The following AGPAT4 variants were observed in gnomAD, a reference collection of about 807,000 sequenced individuals.
AGPAT4 encodes the protein 1-acylglycerol-3-phosphate O-acyltransferase 4.
A neutral mutation model predicts 48.0 loss-of-function variants in AGPAT4; 15 were observed. The ratio of observed to expected loss-of-function variants is 0.31; its 90% CI spans 0.21 to 0.48. The LOEUF (loss-of-function observed/expected upper bound fraction) is 0.48, where lower values mean the gene tolerates loss of function less well. Ranked by LOEUF, AGPAT4 falls within the 20% of genes least tolerant of loss-of-function variation. AGPAT4 has a pLI of 0.99. For missense variants in AGPAT4, 314 were observed against 482.5 expected (o/e 0.65, Z 3.27); for synonymous variants, 178 against 198.7 (o/e 0.90, Z 0.88).
rs772384211 is a variant in AGPAT4, at chr6:161,146,667, C to T, written c.768-68G>A. 41 of 1,476,800 alleles carry T rather than the reference C, an allele frequency of 2.8e-5. No homozygotes were observed. Among genetic ancestry groups the T allele is most frequent in the Admixed American group, 1.7e-4 (10 of 58,056 alleles). 91.5% of individuals were successfully genotyped at this position (1,476,800 alleles called of 1,614,324 possible). A position where few individuals can be genotyped will look rare whatever the true frequency, so the allele number is the denominator to read the frequency against. On this transcript the variant is annotated intron_variant, in intron 6 of 8. Coordinates refer to ENST00000320285, the MANE Select transcript of AGPAT4 (RefSeq NM_020133.3). The surrounding 1 kb of genome is among the most constrained non-coding windows in gnomAD (Gnocchi z 7.1). ...CCCTACAACATACAGTTTCCAGTAA[C>T]GGTGCTGCCGTTTTTTGTTTTTATC...
In AGPAT4 at chr6:161,137,122, C is replaced by T. The variant is rs1779092274; in HGVS notation, c.1043-488G>A. 6.6e-6 allele frequency among the ~76,000 whole-genome samples: 1 copy of T among 152,208 alleles called. No individual in the cohort carries two copies. ...AGCGTTAGAGCAGTGAGAAAATCCC[C>T]GCCCTCTCCTCTGACGGCAGGATTT... On this transcript the variant is annotated intron_variant, in intron 8 of 8. Coordinates refer to ENST00000320285, the MANE Select transcript of AGPAT4 (RefSeq NM_020133.3). The surrounding 1 kb of genome is among the most constrained non-coding windows in gnomAD (Gnocchi z 6.1).
Position 161,154,367 on chromosome 6 carries a change from G to A in AGPAT4, c.349-57C>T, listed in dbSNP as rs915188614. The A allele has an allele frequency of 3.4e-5, 54 of 1,602,068 alleles. No homozygotes were observed. Among genetic ancestry groups the A allele is most frequent in the African/African-American group, 3.4e-4 (25 of 74,432 alleles). On this transcript the variant is annotated intron_variant, in intron 3 of 8. Coordinates refer to ENST00000320285, the MANE Select transcript of AGPAT4 (RefSeq NM_020133.3). The surrounding 1 kb of genome is among the most constrained non-coding windows in gnomAD (Gnocchi z 7.8). ...GAAGGAGACGTCAGAGCCACCTGCCGGGGCTGTTGGAGACTGAAGTAGAAA... is the reference window on the plus strand; with the variant it reads ...GAAGGAGACGTCAGAGCCACCTGCCAGGGCTGTTGGAGACTGAAGTAGAAA...
intron 1 of AGPAT4, among the ~76,000 whole-genome samples, chr6:161,237,564 G>A (rs1375170050): frequency 6.6e-6 from 1 of 152,184 alleles, no homozygotes; most frequent in Non-Finnish European, 1.5e-5. Flanking sequence ...GACCTTTAGA[G>A]AATATTAGAA....
At position 161,259,451 on chromosome 6, in the gene AGPAT4, C is replaced by T. The variant is rs927772751; in HGVS notation, c.-90+14487G>A. On this transcript the variant is annotated intron_variant, in intron 1 of 8. Coordinates refer to ENST00000320285, the MANE Select transcript of AGPAT4 (RefSeq NM_020133.3). The surrounding 1 kb of genome is among the most constrained non-coding windows in gnomAD (Gnocchi z 4.9). The stretch of plus-strand genomic sequence containing the variant: ...GATCACGGACTTTTGTAGAGCCACC[C>T]GGTCTTTTGCAGGGCGGTCTGGAGT... Among the ~76,000 whole-genome samples, 2 of 151,862 alleles carry T rather than the reference C, an allele frequency of 1.3e-5. No individual in the cohort carries two copies. The highest frequency in any genetic ancestry group is 2.4e-5 in the African/African-American group (1 of 41,374).
At chr6:161,157,004 G>A (rs996366909) in intron 3 of AGPAT4, among the ~76,000 whole-genome samples, 11 of 152,078 alleles carry the variant, frequency 7.2e-5, no homozygotes, top group Admixed American at 2.6e-4. Flanking sequence ...TAATAAATAC[G>A]TGGGTAAATC....
intron 2 of AGPAT4, among the ~76,000 whole-genome samples, chr6:161,173,488 G>T (rs1780339003): frequency 6.6e-6 from 1 of 152,048 alleles, no homozygotes; most frequent in African/African-American, 2.4e-5. Flanking sequence ...TTTTGATGGG[G>T]TTGTTTGATT....
At position 161,198,677 on chromosome 6, in the gene AGPAT4, G is replaced by T. The variant is rs1335097270; in HGVS notation, c.179-32260C>A. Among the ~76,000 whole-genome samples, 1 of 152,152 alleles carries T rather than the reference G, an allele frequency of 6.6e-6. No homozygotes were observed. Among genetic ancestry groups the T allele is most frequent in the African/African-American group, 2.4e-5 (1 of 41,422 alleles). The stretch of plus-strand genomic sequence containing the variant: ...GTGCCTCGGTTTCCTCATCTGTCAT[G>T]GTTGTTATTAGGTTTAAATAAGCTC... On this transcript the variant is annotated intron_variant, in intron 2 of 8. Transcript: ENST00000320285. The surrounding 1 kb of genome is among the most constrained non-coding windows in gnomAD (Gnocchi z 4.3).
At position 161,221,137 on chromosome 6, in the gene AGPAT4, G is replaced by C. The variant is rs1479543293; in HGVS notation, c.178+10899C>G. Reference sequence around the variant, plus strand: ...AACGCTGGATGAACATGGTGAGCAAGGAACACATGGTGAAGGAAACGTGTG... The same window carrying C: ...AACGCTGGATGAACATGGTGAGCAACGAACACATGGTGAAGGAAACGTGTG... On this transcript the variant is annotated intron_variant, in intron 2 of 8. Coordinates refer to ENST00000320285, the MANE Select transcript of AGPAT4 (RefSeq NM_020133.3). The surrounding 1 kb of genome is among the most constrained non-coding windows in gnomAD (Gnocchi z 4.5). 6.6e-6 allele frequency among the ~76,000 whole-genome samples: 1 copy of C among 152,134 alleles called. No individual in the cohort carries two copies. The highest frequency in any genetic ancestry group is 2.4e-5 in the African/African-American group (1 of 41,444).
intron 1 of AGPAT4, among the ~76,000 whole-genome samples, chr6:161,258,156 C>T (rs12662114): frequency 0.2 from 29,864 of 152,118 alleles, 4,930 homozygotes; most frequent in African/African-American, 0.41. Flanking sequence ...AGTCTTATGA[C>T]ACTTTTTTTC....
intron 2 of AGPAT4, among the ~76,000 whole-genome samples, chr6:161,209,577 C>A (rs1254538010): frequency 6.6e-6 from 1 of 152,090 alleles, no homozygotes; most frequent in Non-Finnish European, 1.5e-5. Context: ...CAGGAGAGAC[C>A]TGAATTGAGC....
At position 161,214,495 on chromosome 6, in the gene AGPAT4, G is replaced by A. The variant is rs1290586991; in HGVS notation, c.178+17541C>T. On this transcript the variant is annotated intron_variant, in intron 2 of 8. Transcript: ENST00000320285. This position sits in a 1 kb window ranked among gnomAD's most constrained non-coding sequence, Gnocchi z 5.4. ...GTATCTAAACATAGGGCTGGGCATGGTGGCTCATGCCTGTAATCCCAGCCC... is the reference window on the plus strand; with the variant it reads ...GTATCTAAACATAGGGCTGGGCATGATGGCTCATGCCTGTAATCCCAGCCC... Among the ~76,000 whole-genome samples, 3 of 152,222 alleles carry A rather than the reference G, an allele frequency of 2.0e-5. No homozygotes were observed. The highest frequency in any genetic ancestry group is 4.4e-5 in the Non-Finnish European group (3 of 68,044).
In AGPAT4 at chr6:161,166,179, C is replaced by T; in HGVS notation, c.348+69G>A. ...TCTGCAAGTTCTGAATGACCAGGAG[C>T]AAAAAGACAAGTGGTGGGGCTGAAC... On this transcript the variant is annotated intron_variant, in intron 3 of 8. Coordinates refer to ENST00000320285, the MANE Select transcript of AGPAT4 (RefSeq NM_020133.3). The surrounding 1 kb of genome is among the most constrained non-coding windows in gnomAD (Gnocchi z 6.7). 5.1e-6 allele frequency: 8 copies of T among 1,561,514 alleles called. No homozygotes were observed. Among genetic ancestry groups the T allele is most frequent in the Non-Finnish European group, 7.0e-6 (8 of 1,147,058 alleles).
In AGPAT4 at chr6:161,219,918, G is replaced by A. The variant is rs1023774963; in HGVS notation, c.178+12118C>T. 8.2e-6 allele frequency among the ~76,000 whole-genome samples: 1 copy of A among 122,202 alleles called. No individual in the cohort carries two copies. The highest frequency in any genetic ancestry group is 1.7e-5 in the Non-Finnish European group (1 of 57,526). The allele number at this position is 122,202 out of a possible 152,430, so 80.2% of individuals were successfully genotyped here. The stretch of plus-strand genomic sequence containing the variant: ...AGGCAGGCAGGCAGGCAGGCAGGCG[G>A]CAGGCAGGCAGGCAGGCAGGCAGGC... On this transcript the variant is annotated intron_variant, in intron 2 of 8. Coordinates refer to ENST00000320285, the MANE Select transcript of AGPAT4 (RefSeq NM_020133.3). The surrounding 1 kb of genome is among the most constrained non-coding windows in gnomAD (Gnocchi z 4.9).
intron 1 of AGPAT4, among the ~76,000 whole-genome samples, chr6:161,248,180 A>G (rs1257117831): frequency 1.3e-5 from 2 of 152,074 alleles, no homozygotes; most frequent in Non-Finnish European, 1.5e-5. Flanking sequence ...CTCAGGACAC[A>G]AAATCAATGA....
chr6:161,199,262 T>C (rs954029228), intron 2 of AGPAT4, among the ~76,000 whole-genome samples: 3 of 152,206 alleles, frequency 2.0e-5, no homozygotes, highest in Non-Finnish European at 4.4e-5. Context: ...ACACATCTTG[T>C]CATGCCCGCC....
rs1582923087 is a variant in AGPAT4, at chr6:161,267,053, A to G, written c.-90+6885T>C. Among the ~76,000 whole-genome samples the G allele has an allele frequency of 1.3e-5, 2 of 152,182 alleles. No homozygotes were observed. Among genetic ancestry groups the G allele is most frequent in the Admixed American group, 6.5e-5 (1 of 15,276 alleles). On this transcript the variant is annotated intron_variant, in intron 1 of 8. Transcript: ENST00000320285. This position sits in a 1 kb window ranked among gnomAD's most constrained non-coding sequence, Gnocchi z 5.2. ...AGAAAGCCTCTGACTCCATCCACCC[A>G]CCGCCTTGGGAACTCTGAGAGCAGC...
In AGPAT4 at chr6:161,178,064, G is replaced by C. The variant is rs769245229; in HGVS notation, c.179-11647C>G. ...TATGTGGTGTCAAATGGCCCCTACT[G>C]GGAGGTGTCTCCCAGTTAGGCTACT... On this transcript the variant is annotated intron_variant, in intron 2 of 8. Coordinates refer to ENST00000320285, the MANE Select transcript of AGPAT4 (RefSeq NM_020133.3). The surrounding 1 kb of genome is among the most constrained non-coding windows in gnomAD (Gnocchi z 5.1). Among the ~76,000 whole-genome samples the C allele has an allele frequency of 9.9e-5, 15 of 152,188 alleles. No individual in the cohort carries two copies. Among genetic ancestry groups the C allele is most frequent in the Non-Finnish European group, 1.3e-4 (9 of 68,038 alleles).
rs922030785 is a variant in AGPAT4, at chr6:161,233,945, T to C, written c.-89-1643A>G. ...TCAGAATAAGAAACTGAGGCAATGG[T>C]GAGGTTGGGCAACTTGCCTAAGCTT... On this transcript the variant is annotated intron_variant, in intron 1 of 8. Transcript: ENST00000320285. The surrounding 1 kb of genome is among the most constrained non-coding windows in gnomAD (Gnocchi z 5.4). 3.3e-5 allele frequency among the ~76,000 whole-genome samples: 5 copies of C among 152,182 alleles called. No homozygotes were observed. The highest frequency in any genetic ancestry group is 1.2e-4 in the African/African-American group (5 of 41,450).
rs547968357 is a variant in AGPAT4 at position 161,271,450 on chromosome 6, G to C, written c.-90+2488C>G. Among the ~76,000 whole-genome samples the C allele has an allele frequency of 1.1e-4, 17 of 152,324 alleles. No homozygotes were observed. The East Asian group carries it at 3.3e-3, about 29-fold the overall frequency. On this transcript the variant is annotated intron_variant, in intron 1 of 8. Transcript: ENST00000320285. ...GGTGGATTTTAAGCTTGAGAGCACAGACTACAACTGCTGCCTTCTTCACCA... is the reference window on the plus strand; with the variant it reads ...GGTGGATTTTAAGCTTGAGAGCACACACTACAACTGCTGCCTTCTTCACCA...
Sources: allele counts gnomAD v4.1 joint callset (sites outside exome capture counted in the v4.1 genomes callset), GRCh38; gene constraint gnomAD v4.1.1; non-coding constraint Gnocchi (gnomAD v3.1); transcripts MANE v1.5; gene names NCBI Gene and HGNC (gene_info 2026-07-23, HGNC 2026-07-21).